The following CFAP221 variants were observed in gnomAD, a reference collection of about 807,000 sequenced individuals.
CFAP221 encodes the protein cilia and flagella associated protein 221.
Under a neutral mutation model 113.1 loss-of-function variants are expected in CFAP221, and 97 were observed. The ratio of observed to expected loss-of-function variants is 0.86; its 90% CI spans 0.73 to 1.02. The LOEUF (loss-of-function observed/expected upper bound fraction) is 1.02, where lower values mean the gene tolerates loss of function less well. CFAP221 is among the 50% of genes least tolerant of loss of function. The pLI is 0.00. For missense variants in CFAP221, 1,025 were observed against 1,013.4 expected (o/e 1.01, Z -0.16); for synonymous variants, 331 against 354.4 (o/e 0.93, Z 0.74).
At chr2:119,622,012 A>G (rs1685955618) in intron 14 of CFAP221, among the ~76,000 whole-genome samples, 1 of 152,204 alleles carries the variant, frequency 6.6e-6, no homozygotes, top group African/African-American at 2.4e-5. Flanking sequence ...AAAATAACTA[A>G]GATCAGAGCA....
intron 8 of CFAP221, 175 bp downstream of exon 8, chr2:119,601,552 CTAGT>C: frequency 1.8e-6 from 1 of 565,856 alleles, no homozygotes; most frequent in East Asian, 3.2e-5. Flanking sequence ...TATATCTATG[CTAGT>C]AGCAAGAGTT....
chr2:119,555,770 A>G (rs1014377097), intron 3 of CFAP221, among the ~76,000 whole-genome samples: 1 of 152,224 alleles, frequency 6.6e-6, no homozygotes, highest in South Asian at 2.1e-4. Flanking sequence ...GGACAGTACC[A>G]GGTCACTGTG....
At chr2:119,613,973 G>A (rs1385047424) in intron 13 of CFAP221, among the ~76,000 whole-genome samples, 1 of 152,220 alleles carries the variant, frequency 6.6e-6, no homozygotes, top group Non-Finnish European at 1.5e-5. Flanking sequence ...CAGCACCCAA[G>A]TCACCTCTTG....
chr2:119,610,143 G>T (rs993026847), intron 12 of CFAP221, among the ~76,000 whole-genome samples: 1 of 152,214 alleles, frequency 6.6e-6, no homozygotes, highest in African/African-American at 2.4e-5. Context: ...GTCATTGTGG[G>T]CATTGAGGCT....
chr2:119,629,768 C>G, intron 16 of CFAP221, 107 bp from the exon 17 acceptor site: 2 of 861,498 alleles, frequency 2.3e-6, no homozygotes, highest in Non-Finnish European at 3.6e-6. Context: ...AGGAGTTGCT[C>G]TGAGAGTAGA....
chr2:119,583,990 T>G (rs1486092271), intron 6 of CFAP221, among the ~76,000 whole-genome samples: 1 of 152,178 alleles, frequency 6.6e-6, no homozygotes, highest in Non-Finnish European at 1.5e-5. Context: ...TGGTATTCTG[T>G]GACAGCAACC....
chr2:119,608,649 A>G (rs1353085206), intron 12 of CFAP221, 60 bp downstream of exon 12: 12 of 1,391,996 alleles, frequency 8.6e-6, no homozygotes, highest in South Asian at 1.2e-5. Flanking sequence ...AATTCCTACT[A>G]TATGCAAGAT....
intron 7 of CFAP221, among the ~76,000 whole-genome samples, chr2:119,588,931 T>C (rs10189169): frequency 0.25 from 38,296 of 151,694 alleles, 5,895 homozygotes; most frequent in African/African-American, 0.44. Flanking sequence ...ACTCAGACGA[T>C]AGCAAGGGGA....
intron 14 of CFAP221, among the ~76,000 whole-genome samples, chr2:119,618,936 C>T (rs1474118528): frequency 3.3e-5 from 5 of 152,126 alleles, no homozygotes; most frequent in African/African-American, 7.2e-5. Flanking sequence ...CTTGAGTAGG[C>T]GATTTTCCCC....
intron 6 of CFAP221, among the ~76,000 whole-genome samples, chr2:119,583,468 A>G (rs1682987145): frequency 1.4e-5 from 2 of 144,906 alleles, no homozygotes; most frequent in South Asian, 4.3e-4. Context: ...TGCCTGGCCT[A>G]GACTGTACAA....
Position 119,639,727 on chromosome 2 carries a change from C to T in CFAP221, c.2134-54C>T, listed in dbSNP as rs1687362074. The T allele has an allele frequency of 2.1e-6, 3 of 1,414,298 alleles. No individual in the cohort carries two copies. The South Asian group carries it at 3.5e-5, about 16-fold the overall frequency. The allele number at this position is 1,414,298 out of a possible 1,614,324, so 87.6% of individuals were successfully genotyped here. A position where few individuals can be genotyped will look rare whatever the true frequency, so the allele number is the denominator to read the frequency against. ...ATAGTTGAATAAAACAAAAGTCCTTCAGAAACTTTACCTCACCAAACAGTT... is the reference window on the plus strand; with the variant it reads ...ATAGTTGAATAAAACAAAAGTCCTTTAGAAACTTTACCTCACCAAACAGTT... On this transcript the variant is annotated intron_variant, in intron 20 of 23. Transcript: ENST00000413369.
At chr2:119,627,905 A>G in intron 16 of CFAP221, 119 bp downstream of exon 16, 1 of 1,362,970 alleles carries the variant, frequency 7.3e-7, no homozygotes, top group Middle Eastern at 2.7e-4. Context: ...GCTCCAAAGG[A>G]AGATGAGGAG....
At chr2:119,555,630 A>G (rs1680738493) in intron 3 of CFAP221, among the ~76,000 whole-genome samples, 1 of 152,222 alleles carries the variant, frequency 6.6e-6, no homozygotes, top group African/African-American at 2.4e-5. Context: ...GTATTAAAAA[A>G]AAGACAGGAA....
At chr2:119,626,121 C>T (rs534545437) in intron 15 of CFAP221, among the ~76,000 whole-genome samples, 2 of 152,258 alleles carry the variant, frequency 1.3e-5, no homozygotes, top group South Asian at 4.2e-4. Context: ...GCTTATGGCC[C>T]CTTCCCCACA....
chr2:119,622,213 C>G (rs536657143), intron 14 of CFAP221, among the ~76,000 whole-genome samples: 3 of 152,198 alleles, frequency 2.0e-5, no homozygotes, highest in Non-Finnish European at 4.4e-5. Context: ...GAAATACAAA[C>G]TACCATCAGA....
At chr2:119,609,081 G>A (rs1684972779) in intron 12 of CFAP221, among the ~76,000 whole-genome samples, 1 of 152,184 alleles carries the variant, frequency 6.6e-6, no homozygotes, top group Non-Finnish European at 1.5e-5. Flanking sequence ...GAGGGGAGTG[G>A]GACCACACCT....
At chr2:119,595,740 C>T (rs13398766) in intron 7 of CFAP221, among the ~76,000 whole-genome samples, 13,328 of 151,984 alleles carry the variant, frequency 0.088, 864 homozygotes, top group African/African-American at 0.19. Context: ...TTGTCCAGAG[C>T]AAAAATGGTG....
chr2:119,604,632 A>G lies in CFAP221; in HGVS notation c.792-40A>G, dbSNP rs1171117399. On this transcript the variant is annotated intron_variant, in intron 8 of 23. Coordinates refer to ENST00000413369, the MANE Select transcript of CFAP221 (RefSeq NM_001271049.2). ...ATAAAACATTAGGAACCTTGAGTTA[A>G]TGGCTTATTTACTAATTTAACACTT... The G allele has an allele frequency of 2.7e-6, 4 of 1,487,882 alleles. No homozygotes were observed. The South Asian group carries it at 5.6e-5, about 21-fold the overall frequency. The allele number at this position is 1,487,882 out of a possible 1,614,324, so 92.2% of individuals were successfully genotyped here. A position where few individuals can be genotyped will look rare whatever the true frequency, so the allele number is the denominator to read the frequency against.
intron 7 of CFAP221, among the ~76,000 whole-genome samples, chr2:119,591,664 T>C (rs1683607394): frequency 6.6e-6 from 1 of 152,224 alleles, no homozygotes; most frequent in African/African-American, 2.4e-5. Flanking sequence ...GGACAATGCC[T>C]GTATCTTAAT....
Sources: gnomAD v4.1 joint callset for allele counts (sites outside exome capture counted in the v4.1 genomes callset) on GRCh38, gnomAD v4.1.1 for gene constraint, MANE v1.5 for transcripts, NCBI Gene and HGNC (gene_info 2026-07-23, HGNC 2026-07-21) for gene names.